The following DNAH11 variants were observed in gnomAD, a reference collection of about 807,000 sequenced individuals.
DNAH11 encodes axonemal beta dynein heavy chain 11.
DNAH11 carries 442 observed loss-of-function variants against 526.0 expected under a neutral mutation model. The ratio of observed to expected loss-of-function variants is 0.84; its 90% CI spans 0.78 to 0.91. The LOEUF is 0.91. Among genes scored for constraint, DNAH11 ranks in the 40% least tolerant of loss-of-function variants. The pLI, the probability that DNAH11 is intolerant of heterozygous loss-of-function variation, is 0.00. For missense variants in DNAH11, 6,989 were observed against 5,448.7 expected (o/e 1.28, Z -8.90); for synonymous variants, 2,461 against 1,935.9 (o/e 1.27, Z -7.12).
At chr7:21,849,213 G>A (rs1782532499) in intron 66 of DNAH11, among the ~76,000 whole-genome samples, 2 of 152,082 alleles carry the variant, frequency 1.3e-5, no homozygotes, top group African/African-American at 4.8e-5. Context: ...TAACACTACT[G>A]CCTCATTGGT....
rs890290012 is a variant in DNAH11, at chr7:21,591,044, A to C, written c.2274+22A>C. On this transcript the variant is annotated intron_variant, in intron 13 of 81. Transcript: ENST00000409508. ...AAAGGTTTGTGATTTTTGTTAAAAA[A>C]AAGATACTAGGGCCTATTATGAATA... The C allele has an allele frequency of 2.8e-6, 4 of 1,448,788 alleles. No individual in the cohort carries two copies. In the African/African-American group the frequency reaches 5.9e-5, roughly 22 times the overall value. 89.7% of individuals were successfully genotyped at this position (1,448,788 alleles called of 1,614,324 possible). A position where few individuals can be genotyped will look rare whatever the true frequency, so the allele number is the denominator to read the frequency against.
At chr7:21,764,574 C>G (rs895748322) in intron 54 of DNAH11, among the ~76,000 whole-genome samples, 1 of 152,150 alleles carries the variant, frequency 6.6e-6, no homozygotes, top group African/African-American at 2.4e-5. Context: ...GGAAAGGATG[C>G]TCACTGAACA....
chr7:21,561,232 C>T (rs908496134), intron 5 of DNAH11, 62 bp downstream of exon 5: 18 of 1,227,444 alleles, frequency 1.5e-5, no homozygotes, highest in Non-Finnish European at 1.9e-5. Context: ...CCAGCCCCTG[C>T]CTGCTCGGCC....
chr7:21,780,919 C>T lies in DNAH11; in HGVS notation c.9483+1815C>T, dbSNP rs1033741954. Among the ~76,000 whole-genome samples, 11 of 152,182 alleles carry T rather than the reference C, an allele frequency of 7.2e-5. No homozygotes were observed. In the East Asian group the frequency reaches 1.5e-3, roughly 21 times the overall value. The stretch of plus-strand genomic sequence containing the variant: ...AAAGACCGACATGAGACAAGTAACA[C>T]ATTGAGAAGCTGGATATTTTGAGAT... On this transcript the variant is annotated intron_variant, in intron 57 of 81. Transcript: ENST00000409508.
At chr7:21,550,737 A>G (rs1350345341) in intron 2 of DNAH11, among the ~76,000 whole-genome samples, 1 of 152,166 alleles carries the variant, frequency 6.6e-6, no homozygotes, top group African/African-American at 2.4e-5. Context: ...AATATTTTCC[A>G]TGAGGCCAAA....
At chr7:21,639,129 A>T (rs960958245) in intron 28 of DNAH11, 64 bp downstream of exon 28, 6 of 1,497,244 alleles carry the variant, frequency 4.0e-6, no homozygotes, top group Non-Finnish European at 3.6e-6. Flanking sequence ...TAGCGTCTCT[A>T]TCATTGTCAA....
chr7:21,867,398 C>T (rs571077198), intron 71 of DNAH11, among the ~76,000 whole-genome samples: 52 of 152,338 alleles, frequency 3.4e-4, no homozygotes, highest in Middle Eastern at 3.4e-3. Context: ...TTACTTTCTG[C>T]TAAATCTGAT....
chr7:21,887,789 T>G (rs1325380352), intron 76 of DNAH11, among the ~76,000 whole-genome samples: 1 of 152,222 alleles, frequency 6.6e-6, no homozygotes, highest in African/African-American at 2.4e-5. Context: ...ACACACTTTA[T>G]ATGTATGATT....
chr7:21,597,845 A>G (rs1289544094), intron 14 of DNAH11, among the ~76,000 whole-genome samples: 1 of 152,156 alleles, frequency 6.6e-6, no homozygotes, highest in Non-Finnish European at 1.5e-5. Context: ...TAAGATCTAT[A>G]CTTTTCTCTT....
At chr7:21,807,165 G>T (rs1789298623) in intron 62 of DNAH11, among the ~76,000 whole-genome samples, 2 of 152,276 alleles carry the variant, frequency 1.3e-5, no homozygotes, top group South Asian at 4.1e-4. Context: ...CTAGGGCAGT[G>T]TAGTGGGAAG....
At chr7:21,623,118 A>G (rs1458577728) in intron 25 of DNAH11, among the ~76,000 whole-genome samples, 1 of 152,092 alleles carries the variant, frequency 6.6e-6, no homozygotes, top group Non-Finnish European at 1.5e-5. Flanking sequence ...AAACAAATTT[A>G]CAAGAAAAAA....
At chr7:21,812,089 A>G (rs995625436) in intron 63 of DNAH11, among the ~76,000 whole-genome samples, 2 of 152,192 alleles carry the variant, frequency 1.3e-5, no homozygotes, top group Admixed American at 6.5e-5. Flanking sequence ...TAGAAAGGAA[A>G]TACAGTGCTT....
intron 37 of DNAH11, among the ~76,000 whole-genome samples, chr7:21,703,064 A>G (rs1418358627): frequency 4.6e-5 from 7 of 152,366 alleles, no homozygotes; most frequent in African/African-American, 1.7e-4. Context: ...GACAGTCATA[A>G]TCAAATAATT....
intron 36 of DNAH11, among the ~76,000 whole-genome samples, chr7:21,698,481 C>T (rs541829620): frequency 6.6e-6 from 1 of 152,256 alleles, no homozygotes; most frequent in Admixed American, 6.5e-5. Context: ...CCCACCTTTT[C>T]TCCCAAGTCC....
rs752676810 is a variant in DNAH11, at chr7:21,704,508, G to C, written c.6348G>C (p.Leu2116=). 9 of 1,613,834 alleles carry C rather than the reference G, an allele frequency of 5.6e-6. No homozygotes were observed. Among genetic ancestry groups the C allele is most frequent in the Non-Finnish European group, 6.8e-6 (8 of 1,179,844 alleles). The change falls in exon 38 of 82, where the codon CTG becomes CTC. Residue 2116 remains leucine (L), a synonymous_variant. Coordinates refer to ENST00000409508, the MANE Select transcript of DNAH11 (RefSeq NM_001277115.2). ...ACGACATCCCAGTGTTTCTGGGCCT[G>C]GTCGGTGACCTGTTTCCAGCCCTGG... ...VTDDIPVFLG[L]VGDLFPALDV...
rs1786360997 is a variant in DNAH11 at position 21,750,339 on chromosome 7, T to C, written c.8915T>C (p.Met2972Thr). The C allele has an allele frequency of 1.2e-6, 2 of 1,605,292 alleles. No individual in the cohort carries two copies. Among genetic ancestry groups the C allele is most frequent in the Non-Finnish European group, 1.7e-6 (2 of 1,175,816 alleles). The change falls in exon 54 of 82, where the codon ATG becomes ACG. Residue 2972 changes from methionine (M) to threonine (T), a missense_variant. Met to Thr is a moderately conservative substitution (Grantham distance 81). Coordinates refer to ENST00000409508, the MANE Select transcript of DNAH11 (RefSeq NM_001277115.2). ...DSRENCWKFFMARVRLQLKII... is the reference protein window; with the variant it reads ...DSRENCWKFFTARVRLQLKII... Reference sequence around the variant, plus strand: ...AGGGAAAACTGTTGGAAATTCTTTATGGCCAGGGTGCGACTACAGCTCAAA... The same window carrying C: ...AGGGAAAACTGTTGGAAATTCTTTACGGCCAGGGTGCGACTACAGCTCAAA...
chr7:21,683,495 T>C (rs1783228321), intron 31 of DNAH11, among the ~76,000 whole-genome samples: 1 of 150,180 alleles, frequency 6.7e-6, no homozygotes. Context: ...AGTATAAAGT[T>C]ACAAGATTTA....
chr7:21,624,012 C>T (rs1002092387), intron 25 of DNAH11, among the ~76,000 whole-genome samples: 1 of 151,426 alleles, frequency 6.6e-6, no homozygotes, highest in Non-Finnish European at 1.5e-5. Flanking sequence ...AAAGAATCCA[C>T]TTTCTTAATA....
intron 79 of DNAH11, among the ~76,000 whole-genome samples, chr7:21,895,799 G>C (rs572445886): frequency 7.3e-4 from 111 of 152,170 alleles, no homozygotes; most frequent in African/African-American, 2.6e-3. Flanking sequence ...GCGCGATCTC[G>C]GCTCACTGCA....
Sources: gnomAD v4.1 joint callset for allele counts (sites outside exome capture counted in the v4.1 genomes callset) on GRCh38, gnomAD v4.1.1 for gene constraint, MANE v1.5 for transcripts, NCBI Gene and HGNC (gene_info 2026-07-23, HGNC 2026-07-21) for gene names.